Variants in ARL15 observed in about 807,000 individuals in gnomAD.
The protein encoded by ARL15 is ADP-ribosylation factor-like protein 15.
A neutral mutation model predicts 25.2 loss-of-function variants in ARL15; 19 were observed. That is an observed-to-expected ratio of 0.75 (90% CI 0.53 to 1.10). ARL15 has a LOEUF of 1.10. Among genes scored for constraint, ARL15 ranks in the 50% least tolerant of loss-of-function variants. The pLI is 0.00. For missense variants in ARL15, 220 were observed against 246.0 expected (o/e 0.89, Z 0.71); for synonymous variants, 94 against 86.8 (o/e 1.08, Z -0.46).
At chr5:54,123,877 G>A (rs1370745984) in intron 3 of ARL15, among the ~76,000 whole-genome samples, 1 of 152,104 alleles carries the variant, frequency 6.6e-6, no homozygotes, top group African/African-American at 2.4e-5. Flanking sequence ...TACAGCACTT[G>A]GAAAGAGAAG....
At chr5:54,256,536 C>G (rs189783356) in intron 1 of ARL15, among the ~76,000 whole-genome samples, 1 of 147,206 alleles carries the variant, frequency 6.8e-6, no homozygotes, top group Admixed American at 6.8e-5. Flanking sequence ...TGCCAAAAGA[C>G]TGAGAAAGAC....
chr5:53,906,824 C>T (rs1224701013), intron 4 of ARL15, among the ~76,000 whole-genome samples: 1 of 152,154 alleles, frequency 6.6e-6, no homozygotes, highest in African/African-American at 2.4e-5. Flanking sequence ...CTGCACAAAG[C>T]ATAAAAAGCT....
At chr5:54,012,007 CAA>C (rs11293413) in intron 4 of ARL15, among the ~76,000 whole-genome samples, 5 of 147,576 alleles carry the variant, frequency 3.4e-5, no homozygotes, top group East Asian at 2.0e-4. Context: ...GACTCTGTCT[CAA>C]AAAAAAAAGA....
At chr5:53,926,743 C>T (rs1746039878) in intron 4 of ARL15, among the ~76,000 whole-genome samples, 1 of 152,134 alleles carries the variant, frequency 6.6e-6, no homozygotes. Context: ...TCTCTGCCAT[C>T]CATGCTCTTC....
chr5:54,244,332 T>C (rs1757030117), intron 1 of ARL15, among the ~76,000 whole-genome samples: 1 of 152,096 alleles, frequency 6.6e-6, no homozygotes, highest in Non-Finnish European at 1.5e-5. Flanking sequence ...TTTTATGAAG[T>C]TTTTCATGTC....
chr5:54,096,593 T>C (rs1005791135), intron 4 of ARL15, among the ~76,000 whole-genome samples: 2 of 152,104 alleles, frequency 1.3e-5, no homozygotes, highest in Non-Finnish European at 2.9e-5. Context: ...GTATTTTTAG[T>C]AGAGATGGGG....
chr5:53,973,192 C>T (rs1227335531), intron 4 of ARL15, among the ~76,000 whole-genome samples: 1 of 151,806 alleles, frequency 6.6e-6, no homozygotes, highest in East Asian at 1.9e-4. Flanking sequence ...TGGAAATTTA[C>T]AGCAGATATA....
intron 4 of ARL15, among the ~76,000 whole-genome samples, chr5:54,060,902 G>C (rs1751042589): frequency 6.6e-6 from 1 of 152,150 alleles, no homozygotes; most frequent in Non-Finnish European, 1.5e-5. Flanking sequence ...AGTTTTAAAA[G>C]GGAAACAGCA....
chr5:53,989,773 G>A (rs1024876511), intron 4 of ARL15, among the ~76,000 whole-genome samples: 5 of 152,098 alleles, frequency 3.3e-5, no homozygotes, highest in African/African-American at 1.2e-4. Context: ...AAATGAGAGC[G>A]ACTCCTTCCA....
At chr5:53,930,088 C>A (rs978573817) in intron 4 of ARL15, among the ~76,000 whole-genome samples, 1 of 151,928 alleles carries the variant, frequency 6.6e-6, no homozygotes, top group Admixed American at 6.6e-5. Context: ...AGATGGATTA[C>A]CAGCAATGCT....
At chr5:54,017,056 T>C (rs1749447973) in intron 4 of ARL15, among the ~76,000 whole-genome samples, 1 of 152,214 alleles carries the variant, frequency 6.6e-6, no homozygotes, top group African/African-American at 2.4e-5. Flanking sequence ...AGTTCTGGCA[T>C]TGGATTTGCT....
chr5:54,077,121 C>T (rs1488239004), intron 4 of ARL15, among the ~76,000 whole-genome samples: 1 of 152,116 alleles, frequency 6.6e-6, no homozygotes, highest in Admixed American at 6.5e-5. Context: ...TGCCTGTTAA[C>T]ATATTGTCAT....
At chr5:53,911,705 G>A (rs571567028) in intron 4 of ARL15, among the ~76,000 whole-genome samples, 5 of 152,068 alleles carry the variant, frequency 3.3e-5, no homozygotes, top group African/African-American at 9.6e-5. Flanking sequence ...TTTCCCCCAA[G>A]ACCCCAAGTC....
intron 4 of ARL15, among the ~76,000 whole-genome samples, chr5:53,910,171 A>G (rs1283150695): frequency 1.3e-5 from 2 of 152,188 alleles, no homozygotes; most frequent in Non-Finnish European, 2.9e-5. Context: ...TTCCAGAATT[A>G]GTGGTACCAG....
chr5:53,998,323 A>T (rs1748747800), intron 4 of ARL15, among the ~76,000 whole-genome samples: 1 of 150,126 alleles, frequency 6.7e-6, no homozygotes, highest in African/African-American at 2.4e-5. Context: ...ATCTAACACC[A>T]GGACTAATGG....
At chr5:53,994,452 A>G (rs1368334786) in intron 4 of ARL15, among the ~76,000 whole-genome samples, 5 of 152,220 alleles carry the variant, frequency 3.3e-5, no homozygotes, top group Non-Finnish European at 7.3e-5. Flanking sequence ...ATGAGAAAAC[A>G]ACACATTTTA....
intron 1 of ARL15, among the ~76,000 whole-genome samples, chr5:54,238,928 C>T (rs1009116339): frequency 6.6e-6 from 1 of 152,168 alleles, no homozygotes; most frequent in African/African-American, 2.4e-5. Flanking sequence ...TAATCCATAG[C>T]AATCATCCTG....
chr5:54,183,192 T>C lies in ARL15; in HGVS notation c.49-11264A>G, dbSNP rs1229510475. ...CCAGAACTTCCAACACTATGTTGAA[T>C]AGGAGCGGTGAGAGAGGGTATCCCT... On this transcript the variant is annotated intron_variant, in intron 1 of 4. Transcript: ENST00000504924. 4.6e-5 allele frequency among the ~76,000 whole-genome samples: 4 copies of C among 86,448 alleles called. 1 individual carries two copies. The highest frequency in any genetic ancestry group is 9.0e-4 in the South Asian group (2 of 2,216). 56.7% of individuals were successfully genotyped at this position (86,448 alleles called of 152,430 possible).
chr5:54,029,335 C>T (rs6871076), intron 4 of ARL15, among the ~76,000 whole-genome samples: 2 of 93,842 alleles, frequency 2.1e-5, no homozygotes, highest in African/African-American at 1.2e-4. Flanking sequence ...ACCACCACTA[C>T]CACCACCACC....
Sources: gnomAD v4.1 joint callset for allele counts (sites outside exome capture counted in the v4.1 genomes callset) on GRCh38, gnomAD v4.1.1 for gene constraint, MANE v1.5 for transcripts, NCBI Gene and HGNC (gene_info 2026-07-23, HGNC 2026-07-21) for gene names.